LRBA: variants seen among roughly 807,000 people sequenced by gnomAD.
The protein encoded by LRBA is lipopolysaccharide-responsive and beige-like anchor protein.
A neutral mutation model predicts 330.0 loss-of-function variants in LRBA; 176 were observed. The ratio of observed to expected loss-of-function variants is 0.53; its 90% CI spans 0.47 to 0.60. The LOEUF (loss-of-function observed/expected upper bound fraction) is 0.60. Ranked by LOEUF, LRBA falls within the 20% of genes least tolerant of loss-of-function variation. The probability of loss-of-function intolerance (pLI) is 0.00; values close to 1 mark genes in which losing one functional copy is unlikely to be tolerated. For synonymous variants in LRBA, 1,230 were observed against 1,193.0 expected (o/e 1.03, Z -0.64); for missense variants, 3,259 against 3,444.8 (o/e 0.95, Z 1.35).
intron 37 of LRBA, among the ~76,000 whole-genome samples, chr4:150,600,684 C>A (rs1002382530): frequency 5.3e-5 from 8 of 152,026 alleles, no homozygotes; most frequent in African/African-American, 1.9e-4. Context: ...TTATATATTT[C>A]TTCATTATTC....
intron 38 of LRBA, among the ~76,000 whole-genome samples, chr4:150,596,278 C>T (rs1773475529): frequency 6.6e-6 from 1 of 151,858 alleles, no homozygotes; most frequent in Admixed American, 6.6e-5. Context: ...AAACAGAGAA[C>T]ATCACTCTTC....
At chr4:150,782,789 C>G (rs556478275) in intron 34 of LRBA, among the ~76,000 whole-genome samples, 1 of 152,186 alleles carries the variant, frequency 6.6e-6, no homozygotes, top group African/African-American at 2.4e-5. Context: ...CAGTCAATCA[C>G]GCTGAAGAAA....
At chr4:150,740,540 T>G (rs1452170319) in intron 35 of LRBA, among the ~76,000 whole-genome samples, 1 of 150,740 alleles carries the variant, frequency 6.6e-6, no homozygotes, top group Non-Finnish European at 1.5e-5. Flanking sequence ...AAAGTAAAAA[T>G]GGTTTTTAAA....
intron 35 of LRBA, among the ~76,000 whole-genome samples, chr4:150,742,455 T>C (rs535753862): frequency 1.3e-5 from 2 of 152,178 alleles, no homozygotes; most frequent in South Asian, 2.1e-4. Context: ...GCAAGGATTA[T>C]TTTTTTAAAT....
chr4:150,852,069 T>A lies in LRBA; in HGVS notation c.3641A>T (p.Lys1214Ile). 6.2e-7 allele frequency: 1 copy of A among 1,614,124 alleles called. No individual in the cohort carries two copies. The highest frequency in any genetic ancestry group is 8.5e-7 in the Non-Finnish European group (1 of 1,179,986). The change falls in exon 23 of 57, where the codon AAA becomes ATA. Residue 1214 changes from lysine to isoleucine, a missense_variant. By Grantham distance (102) the Lys-to-Ile change is moderately radical. Transcript: ENST00000651943. ...GGTTTCTCTAGTGAGGTTAGTTGCT[T>A]TCTTCCCTTCCTCCAGCATCTGACC... ...DLGQMLEEGK[K>I]ATNLTRETKL... is the part of the protein sequence containing the mutation.
intron 47 of LRBA, among the ~76,000 whole-genome samples, chr4:150,411,604 C>T (rs577753678): frequency 7.9e-4 from 121 of 152,264 alleles, no homozygotes; most frequent in Non-Finnish European, 1.3e-3. Context: ...AACCTGAGGA[C>T]CATCTGACTT....
chr4:150,371,627 C>G (rs184798217), intron 47 of LRBA, among the ~76,000 whole-genome samples: 2 of 152,100 alleles, frequency 1.3e-5, no homozygotes, highest in East Asian at 3.9e-4. Context: ...CACAGGAAAA[C>G]AAGTATGTCC....
chr4:150,929,042 C>A lies in LRBA; in HGVS notation c.240G>T (p.Leu80=). The change falls in exon 3 of 57, where the codon CTG becomes CTT. Residue 80 remains leucine (L), a synonymous_variant. Transcript: ENST00000651943. ...CTTCTTGGATAATGAAATTCATTTC[C>A]AGATCAAACTGTCCTCCTACCAACT... is the stretch of plus-strand genomic sequence containing the variant. The part of the protein sequence containing the change: ...FNLLVGGQFD[L]EMNFIIQEGE... The A allele has an allele frequency of 6.2e-7, 1 of 1,610,842 alleles. No individual in the cohort carries two copies. The highest frequency in any genetic ancestry group is 8.5e-7 in the Non-Finnish European group (1 of 1,178,780).
intron 37 of LRBA, among the ~76,000 whole-genome samples, chr4:150,619,609 TTC>T (rs1241261018): frequency 6.6e-6 from 1 of 152,156 alleles, no homozygotes; most frequent in African/African-American, 2.4e-5. Context: ...ACTATACAGA[TTC>T]CTATATAATT....
At chr4:150,689,501 A>C (rs867751785) in intron 36 of LRBA, among the ~76,000 whole-genome samples, 5 of 151,352 alleles carry the variant, frequency 3.3e-5, no homozygotes, top group Admixed American at 2.0e-4. Flanking sequence ...AAAAGATTTA[A>C]AAAAAAAACA....
chr4:150,668,923 G>A (rs764710926), intron 37 of LRBA, among the ~76,000 whole-genome samples: 2 of 152,012 alleles, frequency 1.3e-5, no homozygotes, highest in African/African-American at 2.4e-5. Context: ...TCAAAGGGAG[G>A]GATAAGGAGA....
chr4:150,657,947 C>G (rs988286429), intron 37 of LRBA, among the ~76,000 whole-genome samples: 8 of 152,052 alleles, frequency 5.3e-5, no homozygotes, highest in Non-Finnish European at 1.2e-4. Flanking sequence ...AAAGAAAGAT[C>G]TGGCTCCCAA....
intron 37 of LRBA, among the ~76,000 whole-genome samples, chr4:150,647,297 A>G (rs1779234725): frequency 6.6e-6 from 1 of 151,746 alleles, no homozygotes; most frequent in Admixed American, 6.6e-5. Context: ...TTTATGACTA[A>G]AGATAAAAAC....
intron 46 of LRBA, among the ~76,000 whole-genome samples, chr4:150,433,342 T>C (rs1435489220): frequency 2.6e-5 from 4 of 151,910 alleles, no homozygotes; most frequent in African/African-American, 9.7e-5. Context: ...TAAAGAATCT[T>C]GAAAGAAAAA....
intron 46 of LRBA, among the ~76,000 whole-genome samples, chr4:150,434,989 A>G (rs1274470507): frequency 3.3e-5 from 5 of 152,150 alleles, no homozygotes; most frequent in African/African-American, 1.2e-4. Context: ...AAAACACTCT[A>G]CAACAAAAGA....
At chr4:150,803,105 CACACAT>C (rs1189763109) in intron 33 of LRBA, among the ~76,000 whole-genome samples, 1 of 142,278 alleles carries the variant, frequency 7.0e-6, no homozygotes, top group Admixed American at 6.9e-5. Context: ...CACACACACA[CACACAT>C]ATATACACAC....
At chr4:150,810,304 G>C (rs1743533604) in intron 31 of LRBA, among the ~76,000 whole-genome samples, 1 of 152,140 alleles carries the variant, frequency 6.6e-6, no homozygotes, top group Non-Finnish European at 1.5e-5. Flanking sequence ...TTAACCTCTG[G>C]ATAATTACTG....
chr4:150,369,234 A>G (rs1739911018), intron 47 of LRBA, among the ~76,000 whole-genome samples: 1 of 152,138 alleles, frequency 6.6e-6, no homozygotes, highest in Non-Finnish European at 1.5e-5. Flanking sequence ...TCTTTTAACT[A>G]TCTCATTCTT....
chr4:150,742,490 G>T (rs1732146090), intron 35 of LRBA, among the ~76,000 whole-genome samples: 1 of 151,990 alleles, frequency 6.6e-6, no homozygotes, highest in Non-Finnish European at 1.5e-5. Context: ...TGGCTAAACT[G>T]CCACTAGAAA....
Sources: allele counts gnomAD v4.1 joint callset (sites outside exome capture counted in the v4.1 genomes callset), GRCh38; gene constraint gnomAD v4.1.1; transcripts MANE v1.5; gene names NCBI Gene and HGNC (gene_info 2026-07-23, HGNC 2026-07-21).